SGCD: variants seen among roughly 807,000 people sequenced by gnomAD.
SGCD encodes the protein delta-sarcoglycan.
SGCD carries 18 observed loss-of-function variants against 36.6 expected under a neutral mutation model. That is an observed-to-expected ratio of 0.49 (90% CI 0.34 to 0.73). The LOEUF (loss-of-function observed/expected upper bound fraction) is 0.73. SGCD is among the 30% of genes least tolerant of loss of function. The pLI is 0.01. For synonymous variants in SGCD, 133 were observed against 130.6 expected (o/e 1.02, Z -0.12); for missense variants, 387 against 346.7 (o/e 1.12, Z -0.92).
chr5:156,105,734 T>A (rs1189048380), intron 1 of SGCD, among the ~76,000 whole-genome samples: 3 of 152,098 alleles, frequency 2.0e-5, no homozygotes, highest in Non-Finnish European at 4.4e-5. Flanking sequence ...CGTCTTAAAT[T>A]TAGGACAGTG....
In SGCD at chr5:156,509,289, G is replaced by A. The variant is rs568020769; in HGVS notation, c.294+587G>A. 5.3e-5 allele frequency among the ~76,000 whole-genome samples: 8 copies of A among 152,250 alleles called. No homozygotes were observed. The East Asian group carries it at 1.2e-3, about 22-fold the overall frequency. On this transcript the variant is annotated intron_variant, in intron 4 of 8. Transcript: ENST00000337851. Reference sequence around the variant, plus strand: ...AAAATGCAAAAATTTGCCAAGTGTAGTGGTGAGCACCTGTAATCTTAGCTA... The same window carrying A: ...AAAATGCAAAAATTTGCCAAGTGTAATGGTGAGCACCTGTAATCTTAGCTA...
At chr5:156,099,440 G>T (rs560774382) in intron 1 of SGCD, among the ~76,000 whole-genome samples, 1 of 152,030 alleles carries the variant, frequency 6.6e-6, no homozygotes, top group African/African-American at 2.4e-5. Flanking sequence ...TCTGAGACAG[G>T]GTCTCACTTT....
Position 156,762,499 on chromosome 5 carries a change from A to C in SGCD, c.*3109A>C, listed in dbSNP as rs1208531816. Reference sequence around the variant, plus strand: ...TTATGTTACCCAAGGGATAAACTTGAACTGGCTTTGAACATCCTTTAGGTC... The same window carrying C: ...TTATGTTACCCAAGGGATAAACTTGCACTGGCTTTGAACATCCTTTAGGTC... On this transcript the variant is annotated 3_prime_UTR_variant, in exon 9 of 9. Transcript: ENST00000337851. 2 of 152,632 alleles carry C rather than the reference A, an allele frequency of 1.3e-5. No individual in the cohort carries two copies. The highest frequency in any genetic ancestry group is 4.8e-5 in the African/African-American group (2 of 41,440). The allele number at this position is 152,632 out of a possible 1,614,324, so 9.5% of individuals were successfully genotyped here. A position where few individuals can be genotyped will look rare whatever the true frequency, so the allele number is the denominator to read the frequency against.
At chr5:155,794,209 T>C in the SGCD span, among the ~76,000 whole-genome samples, 5 of 152,154 alleles carry the variant, frequency 3.3e-5, no homozygotes, top group Non-Finnish European at 7.4e-5. Context: ...TCACCTCGAA[T>C]TATTTTTGCC....
chr5:156,393,611 T>A (rs1025010177), intron 3 of SGCD: 11 of 410,738 alleles, frequency 2.7e-5, no homozygotes, highest in African/African-American at 2.0e-4. Flanking sequence ...GAAGTCATGT[T>A]AATAGGTTGA....
the SGCD span, among the ~76,000 whole-genome samples, chr5:155,842,072 T>C: frequency 4.6e-5 from 7 of 151,994 alleles, no homozygotes; most frequent in Admixed American, 3.3e-4. Context: ...AAGACTCAGC[T>C]TGAAAATGAA....
At chr5:156,179,205 A>G (rs1318692998) in intron 3 of SGCD, among the ~76,000 whole-genome samples, 1 of 151,924 alleles carries the variant, frequency 6.6e-6, no homozygotes, top group Non-Finnish European at 1.5e-5. Context: ...CTTTTGCACT[A>G]TATACATATA....
chr5:156,108,053 C>T (rs772399606), intron 1 of SGCD, among the ~76,000 whole-genome samples: 20 of 152,028 alleles, frequency 1.3e-4, no homozygotes, highest in Non-Finnish European at 2.2e-4. Flanking sequence ...GAATGAAGTA[C>T]ATTGTCTAAT....
At chr5:155,779,080 T>A in the SGCD span, among the ~76,000 whole-genome samples, 1 of 152,178 alleles carries the variant, frequency 6.6e-6, no homozygotes, top group African/African-American at 2.4e-5. Flanking sequence ...TACTCTCATA[T>A]TTTACATTCT....
chr5:156,046,990 C>CA (rs980315335), intron 1 of SGCD, among the ~76,000 whole-genome samples: 71 of 151,692 alleles, frequency 4.7e-4, no homozygotes, highest in Non-Finnish European at 9.0e-4. Context: ...ATGATTAAAA[C>CA]AAAAAAAGAA....
chr5:155,751,506 C>T, the SGCD span, among the ~76,000 whole-genome samples: 5 of 152,192 alleles, frequency 3.3e-5, no homozygotes, highest in East Asian at 7.8e-4. Context: ...CTCAGCTGAG[C>T]CTCCCCAGTG....
At chr5:156,670,971 A>G (rs1184464922) in intron 7 of SGCD, among the ~76,000 whole-genome samples, 2 of 151,522 alleles carry the variant, frequency 1.3e-5, no homozygotes, top group Non-Finnish European at 2.9e-5. Flanking sequence ...TCTTAGTTGT[A>G]TTTCTTCCTC....
intron 3 of SGCD, among the ~76,000 whole-genome samples, chr5:156,164,631 G>A (rs78730474): frequency 0.028 from 4,234 of 152,274 alleles, 164 homozygotes; most frequent in African/African-American, 0.085. Flanking sequence ...AATGTGAATG[G>A]ATCTTGGATT....
intron 1 of SGCD, among the ~76,000 whole-genome samples, chr5:155,995,105 G>C (rs1758514184): frequency 6.6e-6 from 1 of 152,070 alleles, no homozygotes; most frequent in Non-Finnish European, 1.5e-5. Context: ...GCAGGACTTA[G>C]GCTCTGTCAC....
chr5:155,729,422 TGAGA>T, the SGCD span, among the ~76,000 whole-genome samples: 1 of 152,118 alleles, frequency 6.6e-6, no homozygotes, highest in Admixed American at 6.5e-5. Flanking sequence ...AGTGTGTGTG[TGAGA>T]GAGAAAGAGA....
chr5:156,034,920 T>C (rs879711505), intron 1 of SGCD, among the ~76,000 whole-genome samples: 1 of 152,224 alleles, frequency 6.6e-6, no homozygotes, highest in Non-Finnish European at 1.5e-5. Flanking sequence ...TAGCATATTG[T>C]AAGTGCTTAA....
intron 4 of SGCD, among the ~76,000 whole-genome samples, chr5:156,528,543 C>G (rs757207101): frequency 6.6e-6 from 1 of 152,078 alleles, no homozygotes; most frequent in Non-Finnish European, 1.5e-5. Flanking sequence ...ACAAACATCT[C>G]TTCAAAAGGA....
At position 156,477,687 on chromosome 5, in the gene SGCD, A is replaced by C. The variant is rs1042321639; in HGVS notation, c.193-30914A>C. Among the ~76,000 whole-genome samples the C allele has an allele frequency of 5.9e-4, 82 of 139,860 alleles. No individual in the cohort carries two copies. The East Asian group carries it at 7.4e-3, about 13-fold the overall frequency. The allele number at this position is 139,860 out of a possible 152,430, so 91.8% of individuals were successfully genotyped here. On this transcript the variant is annotated intron_variant, in intron 3 of 8. Coordinates refer to ENST00000337851, the MANE Select transcript of SGCD (RefSeq NM_000337.6). ...AACACAGCTTAAAAGTATTTGAGCAAAAAAAAAAAAAAAAAAAGTGATGTC... is the reference window on the plus strand; with the variant it reads ...AACACAGCTTAAAAGTATTTGAGCACAAAAAAAAAAAAAAAAAGTGATGTC...
chr5:156,047,262 C>T (rs187128071), intron 1 of SGCD, among the ~76,000 whole-genome samples: 2 of 152,212 alleles, frequency 1.3e-5, no homozygotes, highest in East Asian at 3.9e-4. Context: ...GATGGAGAAG[C>T]TACATAAGTT....
Sources: gnomAD v4.1 joint callset for allele counts (sites outside exome capture counted in the v4.1 genomes callset) on GRCh38, gnomAD v4.1.1 for gene constraint, MANE v1.5 for transcripts, NCBI Gene and HGNC (gene_info 2026-07-23, HGNC 2026-07-21) for gene names.